The following DCDC2C variants were observed in gnomAD, a reference collection of about 807,000 sequenced individuals.
DCDC2C encodes the protein doublecortin domain-containing protein 2C.
Under a neutral mutation model 45.0 loss-of-function variants are expected in DCDC2C, and 44 were observed. That is an observed-to-expected ratio of 0.98 (90% CI 0.77 to 1.26). The LOEUF is 1.26. DCDC2C is among the 50% of genes most tolerant of loss of function. The probability of loss-of-function intolerance (pLI) is 0.00; values close to 1 mark genes in which losing one functional copy is unlikely to be tolerated. For synonymous variants in DCDC2C, 187 were observed against 178.8 expected, an observed-to-expected ratio of 1.05 and a Z score of -0.37; for missense variants, 447 against 468.9, an observed-to-expected ratio of 0.95 and a Z score of 0.43.
At chr2:3,712,544 G>A (rs1341176544) in intron 2 of DCDC2C, among the ~76,000 whole-genome samples, 1 of 152,086 alleles carries the variant, frequency 6.6e-6, no homozygotes, top group Non-Finnish European at 1.5e-5. Context: ...GCTGAGGCGG[G>A]AGGATCACTT....
intron 10 of DCDC2C, among the ~76,000 whole-genome samples, chr2:3,830,916 T>A (rs565657194): frequency 6.6e-6 from 1 of 152,356 alleles, no homozygotes; most frequent in East Asian, 1.9e-4. Flanking sequence ...CCGAACTCAC[T>A]CACTTCCTGT....
chr2:3,816,353 A>G (rs1294727336), intron 10 of DCDC2C, among the ~76,000 whole-genome samples: 1 of 152,216 alleles, frequency 6.6e-6, no homozygotes, highest in East Asian at 1.9e-4. Context: ...TTTGGGCTCT[A>G]TCCTTGAGTT....
intron 2 of DCDC2C, among the ~76,000 whole-genome samples, chr2:3,720,148 G>T (rs1668457956): frequency 1.3e-5 from 2 of 152,252 alleles, no homozygotes; most frequent in South Asian, 4.1e-4. Flanking sequence ...GTGTGGCAAA[G>T]GTGTGTGTCT....
At chr2:3,721,962 T>G (rs1392510768) in intron 2 of DCDC2C, among the ~76,000 whole-genome samples, 1 of 152,230 alleles carries the variant, frequency 6.6e-6, no homozygotes, top group African/African-American at 2.4e-5. Flanking sequence ...TTGCCCAGTC[T>G]CTGGTATGTC....
At chr2:3,706,593 A>G (rs1426238305) in intron 1 of DCDC2C, among the ~76,000 whole-genome samples, 7 of 152,072 alleles carry the variant, frequency 4.6e-5, no homozygotes, top group Non-Finnish European at 1.0e-4. Context: ...ACCCCAAAGA[A>G]TTTGAATGCT....
intron 10 of DCDC2C, among the ~76,000 whole-genome samples, chr2:3,801,031 C>A (rs756284785): frequency 1.6e-4 from 25 of 152,210 alleles, no homozygotes; most frequent in Non-Finnish European, 3.2e-4. Flanking sequence ...GTTTCAACTT[C>A]ACTGATCCCT....
At chr2:3,795,121 G>A (rs199839267) in intron 10 of DCDC2C, among the ~76,000 whole-genome samples, 14,842 of 150,962 alleles carry the variant, frequency 0.098, 1,004 homozygotes, top group East Asian at 0.29. Context: ...GCCAGTGATG[G>A]TGAGCATTTT....
At chr2:3,823,125 A>G (rs1219992290) in intron 10 of DCDC2C, among the ~76,000 whole-genome samples, 1 of 152,108 alleles carries the variant, frequency 6.6e-6, no homozygotes, top group African/African-American at 2.4e-5. Context: ...GACTAATACA[A>G]TTTCCCTCTA....
chr2:3,761,382 TGTGTGC>T lies in DCDC2C; in HGVS notation c.727-6366_727-6361del, dbSNP rs1669877687. Among the ~76,000 whole-genome samples, 1 of 151,884 alleles carries T rather than the reference TGTGTGC, an allele frequency of 6.6e-6. No homozygotes were observed. Among genetic ancestry groups the T allele is most frequent in the Admixed American group, 6.6e-5 (1 of 15,230 alleles). ...CATATAAATTAAGGAGGTGCGTGTG[TGTGTGC>T]GTGTGTGTGTGCGTGAAAACAGTTG... On this transcript the variant is annotated intron_variant, in intron 6 of 10. Coordinates refer to ENST00000399143, the MANE Select transcript of DCDC2C (RefSeq NM_001287444.2). This position sits in a 1 kb window ranked among gnomAD's most constrained non-coding sequence, Gnocchi z 4.3.
At chr2:3,715,963 CAAA>C (rs1668341756) in intron 2 of DCDC2C, among the ~76,000 whole-genome samples, 2 of 152,118 alleles carry the variant, frequency 1.3e-5, no homozygotes, top group South Asian at 4.2e-4. Context: ...AGTCCAGACT[CAAA>C]GAAGTGAGGG....
chr2:3,765,441 G>A (rs1163878036), intron 6 of DCDC2C, among the ~76,000 whole-genome samples: 10 of 152,006 alleles, frequency 6.6e-5, no homozygotes, highest in African/African-American at 1.7e-4. Flanking sequence ...GGACTTCCAC[G>A]TGGAAGGGAG....
At chr2:3,816,318 A>G (rs1451157205) in intron 10 of DCDC2C, among the ~76,000 whole-genome samples, 1 of 152,010 alleles carries the variant, frequency 6.6e-6, no homozygotes, top group East Asian at 1.9e-4. Context: ...CAAGGGGTTT[A>G]GCATAATTGC....
At chr2:3,743,689 T>C (rs1669278602) in intron 4 of DCDC2C, among the ~76,000 whole-genome samples, 1 of 152,174 alleles carries the variant, frequency 6.6e-6, no homozygotes, top group Non-Finnish European at 1.5e-5. Flanking sequence ...TAAAAAAATA[T>C]CTTGAGAGCA....
chr2:3,752,128 C>A (rs1669560893), intron 4 of DCDC2C, among the ~76,000 whole-genome samples: 1 of 152,196 alleles, frequency 6.6e-6, no homozygotes, highest in South Asian at 2.1e-4. Flanking sequence ...GGGACCCCAG[C>A]CCTTTGCACT....
chr2:3,706,291 A>G (rs1333253259), intron 1 of DCDC2C, among the ~76,000 whole-genome samples: 1 of 152,240 alleles, frequency 6.6e-6, no homozygotes, highest in Admixed American at 6.5e-5. Context: ...AAGATGGTGC[A>G]TTAAAAAGAC....
intron 10 of DCDC2C, among the ~76,000 whole-genome samples, chr2:3,799,368 C>G (rs1258218148): frequency 6.6e-6 from 1 of 152,152 alleles, no homozygotes; most frequent in Non-Finnish European, 1.5e-5. Context: ...TCTCTCAGCT[C>G]GTCAAAGTCA....
At chr2:3,749,102 T>C (rs1435292765) in intron 4 of DCDC2C, among the ~76,000 whole-genome samples, 1 of 152,238 alleles carries the variant, frequency 6.6e-6, no homozygotes. Context: ...GCTGTTTTAT[T>C]GGTAAAGGAT....
At chr2:3,756,644 A>C (rs1011396975) in intron 6 of DCDC2C, among the ~76,000 whole-genome samples, 13 of 152,356 alleles carry the variant, frequency 8.5e-5, no homozygotes, top group African/African-American at 3.1e-4. Flanking sequence ...TGCTGACCCG[A>C]GTCTTCATGC....
intron 10 of DCDC2C, among the ~76,000 whole-genome samples, chr2:3,834,805 C>T (rs906406638): frequency 6.6e-6 from 1 of 152,292 alleles, no homozygotes. Context: ...CCCTGGGGAA[C>T]ATCAAATGTC....
Sources: allele counts gnomAD v4.1 joint callset (sites outside exome capture counted in the v4.1 genomes callset), GRCh38; gene constraint gnomAD v4.1.1; non-coding constraint Gnocchi (gnomAD v3.1); transcripts MANE v1.5; gene names NCBI Gene and HGNC (gene_info 2026-07-23, HGNC 2026-07-21).